The following XKR9 variants were observed in gnomAD, a reference collection of about 807,000 sequenced individuals.
The protein encoded by XKR9 is XK-related protein 9.
In XKR9, 32 loss-of-function variants were observed where a neutral mutation model predicts 32.0. The ratio of observed to expected loss-of-function variants is 1.00; its 90% confidence interval spans 0.76 to 1.34. XKR9 has a LOEUF of 1.34. XKR9 is among the 40% of genes most tolerant of loss of function. The probability of loss-of-function intolerance (pLI) is 0.00; values close to 1 mark genes in which losing one functional copy is unlikely to be tolerated. For missense variants in XKR9, 546 were observed against 429.7 expected (o/e 1.27, Z -2.39); for synonymous variants, 168 against 143.4 (o/e 1.17, Z -1.22).
chr8:70,673,263 T>G (rs1270180076), intron 1 of XKR9, among the ~76,000 whole-genome samples: 1 of 152,184 alleles, frequency 6.6e-6, no homozygotes, highest in East Asian at 1.9e-4. Flanking sequence ...CTTCATTAGC[T>G]TTTTTTAAAA....
At chr8:70,923,034 A>G in the XKR9 span, among the ~76,000 whole-genome samples, 1 of 152,172 alleles carries the variant, frequency 6.6e-6, no homozygotes, top group Admixed American at 6.5e-5. Flanking sequence ...TTCATTACAC[A>G]TGTGTTTGGA....
chr8:70,997,325 A>AC, the XKR9 span, among the ~76,000 whole-genome samples: 6 of 147,620 alleles, frequency 4.1e-5, no homozygotes, highest in Non-Finnish European at 7.5e-5. Context: ...AAAAACCAAA[A>AC]CCCCCCCGCA....
chr8:70,982,914 A>C, the XKR9 span, among the ~76,000 whole-genome samples: 1 of 152,080 alleles, frequency 6.6e-6, no homozygotes, highest in Non-Finnish European at 1.5e-5. Flanking sequence ...CATTATTGGG[A>C]CTAATTTTTA....
intron 4 of XKR9, among the ~76,000 whole-genome samples, chr8:70,733,068 C>T (rs1023865552): frequency 6.6e-6 from 1 of 152,142 alleles, no homozygotes; most frequent in Non-Finnish European, 1.5e-5. Context: ...CATTGCACCA[C>T]TGCACTCCAG....
chr8:70,805,211 G>A, the XKR9 span, among the ~76,000 whole-genome samples: 1 of 152,304 alleles, frequency 6.6e-6, no homozygotes, highest in Non-Finnish European at 1.5e-5. Context: ...AGCCAAGGGA[G>A]GTGGTGAGTG....
At chr8:70,991,554 C>T in the XKR9 span, among the ~76,000 whole-genome samples, 1 of 152,114 alleles carries the variant, frequency 6.6e-6, no homozygotes, top group Non-Finnish European at 1.5e-5. Context: ...ATTGAGGAAA[C>T]ACTGGCTTAA....
At chr8:71,006,562 A>G in the XKR9 span, among the ~76,000 whole-genome samples, 1 of 152,216 alleles carries the variant, frequency 6.6e-6, no homozygotes, top group African/African-American at 2.4e-5. Context: ...CTTCAACTGC[A>G]GCACACATGA....
At chr8:70,849,767 TA>T in the XKR9 span, among the ~76,000 whole-genome samples, 1 of 151,630 alleles carries the variant, frequency 6.6e-6, no homozygotes, top group Non-Finnish European at 1.5e-5. Flanking sequence ...ATAGACACAA[TA>T]AAAAATGATA....
chr8:70,952,125 T>C, the XKR9 span, among the ~76,000 whole-genome samples: 9 of 144,200 alleles, frequency 6.2e-5, no homozygotes, highest in African/African-American at 2.3e-4. Flanking sequence ...AGGAAAACAA[T>C]AAAATAGAAT....
chr8:70,973,254 G>C, the XKR9 span, among the ~76,000 whole-genome samples: 2 of 150,964 alleles, frequency 1.3e-5, no homozygotes, highest in Non-Finnish European at 3.0e-5. Flanking sequence ...GTATGTAAAG[G>C]TGTTCATAGT....
the XKR9 span, among the ~76,000 whole-genome samples, chr8:71,047,496 A>G: frequency 2.0e-5 from 3 of 152,224 alleles, no homozygotes; most frequent in Admixed American, 2.0e-4. Context: ...TTTGGTTTCC[A>G]AAGTGATCAT....
the XKR9 span, among the ~76,000 whole-genome samples, chr8:71,021,505 T>TTC: frequency 1.1e-4 from 15 of 142,802 alleles, no homozygotes; most frequent in African/African-American, 3.6e-4. Flanking sequence ...TTTCTTTTTT[T>TTC]TTTTTTTTTT....
the XKR9 span, among the ~76,000 whole-genome samples, chr8:71,059,715 A>T: frequency 1.3e-5 from 2 of 152,158 alleles, no homozygotes; most frequent in Non-Finnish European, 2.9e-5. Flanking sequence ...GGTAACTGGG[A>T]TCACTTATCA....
At chr8:70,835,926 C>T in the XKR9 span, among the ~76,000 whole-genome samples, 1 of 151,934 alleles carries the variant, frequency 6.6e-6, no homozygotes, top group Non-Finnish European at 1.5e-5. Context: ...TACTTCTATT[C>T]ATTCATCTAA....
At chr8:70,976,723 C>T in the XKR9 span, among the ~76,000 whole-genome samples, 1 of 152,138 alleles carries the variant, frequency 6.6e-6, no homozygotes, top group Non-Finnish European at 1.5e-5. Context: ...CAGGATGATG[C>T]TGGCCCCATA....
At chr8:70,914,807 A>T in the XKR9 span, among the ~76,000 whole-genome samples, 18,685 of 152,206 alleles carry the variant, frequency 0.12, 1,414 homozygotes, top group African/African-American at 0.22. Flanking sequence ...CCCTAAAGTC[A>T]TGAAGATAGA....
intron 2 of XKR9, among the ~76,000 whole-genome samples, chr8:70,761,707 C>T (rs1807311569): frequency 6.6e-6 from 1 of 151,994 alleles, no homozygotes; most frequent in Non-Finnish European, 1.5e-5. Flanking sequence ...AATTAGATCT[C>T]ATTTTTCAAT....
At chr8:70,893,201 C>T in the XKR9 span, among the ~76,000 whole-genome samples, 17 of 152,148 alleles carry the variant, frequency 1.1e-4, no homozygotes, top group South Asian at 1.9e-3. Context: ...TTGTAAAAAA[C>T]GATTCCTATC....
chr8:70,813,959 T>G, the XKR9 span, among the ~76,000 whole-genome samples: 1 of 152,162 alleles, frequency 6.6e-6, no homozygotes, highest in African/African-American at 2.4e-5. Flanking sequence ...ACCCAAAGGA[T>G]TATAAATCAT....
Sources: allele counts gnomAD v4.1 joint callset (sites outside exome capture counted in the v4.1 genomes callset), GRCh38; gene constraint gnomAD v4.1.1; transcripts MANE v1.5; gene names NCBI Gene and HGNC (gene_info 2026-07-23, HGNC 2026-07-21).